The following NOL10 variants were observed in gnomAD, a reference collection of about 807,000 sequenced individuals.
The protein encoded by NOL10 is nucleolar protein 10.
In NOL10, 58 loss-of-function variants were observed where a neutral mutation model predicts 103.5. The ratio of observed to expected loss-of-function variants is 0.56; its 90% CI spans 0.45 to 0.70. The LOEUF (loss-of-function observed/expected upper bound fraction) is 0.70, where lower values mean the gene tolerates loss of function less well. Ranked by LOEUF, NOL10 falls within the 30% of genes least tolerant of loss-of-function variation. NOL10 has a pLI of 0.00. For missense variants in NOL10, 763 were observed against 807.3 expected (o/e 0.95, Z 0.67); for synonymous variants, 287 against 282.5 (o/e 1.02, Z -0.16).
intron 13 of NOL10, among the ~76,000 whole-genome samples, chr2:10,615,530 C>A (rs1676786473): frequency 6.6e-6 from 1 of 152,182 alleles, no homozygotes; most frequent in African/African-American, 2.4e-5. Flanking sequence ...TTAAGAAACA[C>A]AGAGAGCTTT....
At chr2:10,591,724 G>C (rs537300413) in intron 17 of NOL10, among the ~76,000 whole-genome samples, 2 of 152,036 alleles carry the variant, frequency 1.3e-5, no homozygotes, top group Non-Finnish European at 2.9e-5. Flanking sequence ...TGACAGAACT[G>C]GCCAGGTGGT....
intron 13 of NOL10, among the ~76,000 whole-genome samples, chr2:10,621,085 T>A (rs558867960): frequency 1.7e-4 from 26 of 152,282 alleles, no homozygotes; most frequent in African/African-American, 5.3e-4. Flanking sequence ...TGCGTCACTG[T>A]GCCTGGCCGC....
intron 17 of NOL10, among the ~76,000 whole-genome samples, chr2:10,594,158 G>A (rs922607615): frequency 4.6e-5 from 7 of 151,764 alleles, no homozygotes; most frequent in Admixed American, 6.6e-5. Context: ...CAGTACAGTC[G>A]CTTCGTGTCA....
chr2:10,583,359 A>T (rs1289923021), intron 19 of NOL10, among the ~76,000 whole-genome samples: 1 of 152,136 alleles, frequency 6.6e-6, no homozygotes. Flanking sequence ...CTTAGCCCTA[A>T]TCTTACTTTA....
intron 3 of NOL10, among the ~76,000 whole-genome samples, chr2:10,680,778 A>G (rs1003241162): frequency 6.6e-6 from 1 of 152,232 alleles, no homozygotes; most frequent in African/African-American, 2.4e-5. Flanking sequence ...TACTGTTATC[A>G]GCAAAAAATG....
intron 9 of NOL10, 72 bp downstream of exon 9, chr2:10,662,887 G>A (rs1299926138): frequency 8.9e-7 from 1 of 1,121,166 alleles, no homozygotes; most frequent in East Asian, 2.6e-5. Flanking sequence ...CAATTTATTT[G>A]AATTTAATAT....
chr2:10,587,709 A>G (rs1488977069), intron 19 of NOL10, among the ~76,000 whole-genome samples: 2 of 152,110 alleles, frequency 1.3e-5, no homozygotes, highest in Non-Finnish European at 2.9e-5. Flanking sequence ...GTGCTTCTGA[A>G]TTCTAAATTC....
At chr2:10,688,373 C>A (rs1682362862) in intron 1 of NOL10, among the ~76,000 whole-genome samples, 1 of 152,198 alleles carries the variant, frequency 6.6e-6, no homozygotes, top group African/African-American at 2.4e-5. Flanking sequence ...ACCCTGCTCT[C>A]GCCCCCTCAC....
chr2:10,679,833 C>T (rs1681603835), intron 3 of NOL10, among the ~76,000 whole-genome samples: 1 of 152,126 alleles, frequency 6.6e-6, no homozygotes. Flanking sequence ...GTTGGGCAGG[C>T]TGGTCTCGAA....
At chr2:10,656,545 G>T (rs1188697104) in intron 11 of NOL10, among the ~76,000 whole-genome samples, 1 of 152,208 alleles carries the variant, frequency 6.6e-6, no homozygotes, top group Non-Finnish European at 1.5e-5. Flanking sequence ...AAGAAGCCAA[G>T]TAAGACCCAT....
intron 13 of NOL10, among the ~76,000 whole-genome samples, chr2:10,640,850 GAA>G (rs1678649007): frequency 6.6e-6 from 1 of 152,180 alleles, no homozygotes; most frequent in Non-Finnish European, 1.5e-5. Flanking sequence ...CAGTACCTTA[GAA>G]TTAATATTTC....
chr2:10,681,357 G>A (rs1254214727), intron 3 of NOL10, among the ~76,000 whole-genome samples: 2 of 151,708 alleles, frequency 1.3e-5, no homozygotes, highest in Non-Finnish European at 2.9e-5. Context: ...CATGAAATAA[G>A]TCTCACAGAG....
chr2:10,675,665 G>T, intron 4 of NOL10, 129 bp downstream of exon 4: 1 of 566,506 alleles, frequency 1.8e-6, no homozygotes, highest in Non-Finnish European at 3.2e-6. Flanking sequence ...TTAAGCCATC[G>T]GGATTGTAGT....
intron 5 of NOL10, among the ~76,000 whole-genome samples, chr2:10,672,259 G>A (rs188893299): frequency 2.5e-3 from 381 of 152,208 alleles, no homozygotes; most frequent in African/African-American, 8.8e-3. Flanking sequence ...CCCAGGAGCC[G>A]GAGGATGCAG....
Position 10,602,802 on chromosome 2 carries a change from T to C in NOL10, c.1306A>G (p.Thr436Ala). The C allele has an allele frequency of 6.2e-7, 1 of 1,605,806 alleles. No individual in the cohort carries two copies. The highest frequency in any genetic ancestry group is 8.5e-7 in the Non-Finnish European group (1 of 1,173,506). ...TTTAACTGGACTCTCTGTGCACGTGTTTCTTCTATTTTCTGTCGTATTTTA... is the reference window on the plus strand; with the variant it reads ...TTTAACTGGACTCTCTGTGCACGTGCTTCTTCTATTTTCTGTCGTATTTTA... The part of the protein sequence containing the change: ...KDKIRQKIEE[T>A]RAQRVQLKKL... The change falls in exon 16 of 21, where the codon ACA becomes GCA. Residue 436 changes from threonine to alanine, a missense_variant. By Grantham distance (58) the Thr-to-Ala change is moderately conservative. Coordinates refer to ENST00000381685, the MANE Select transcript of NOL10 (RefSeq NM_024894.4).
At chr2:10,682,680 G>C (rs1376452024) in intron 2 of NOL10, among the ~76,000 whole-genome samples, 1 of 152,018 alleles carries the variant, frequency 6.6e-6, no homozygotes, top group African/African-American at 2.4e-5. Context: ...GATTGCAGGA[G>C]TGAGCCACCG....
At chr2:10,585,920 A>G (rs6717431) in intron 19 of NOL10, among the ~76,000 whole-genome samples, 52,306 of 152,142 alleles carry the variant, frequency 0.34, 9,421 homozygotes, top group Non-Finnish European at 0.4. Flanking sequence ...ATTTATGGAT[A>G]AGGAACCCTT....
chr2:10,587,518 C>T (rs565473724), intron 19 of NOL10, among the ~76,000 whole-genome samples: 24 of 151,330 alleles, frequency 1.6e-4, no homozygotes, highest in Admixed American at 5.9e-4. Flanking sequence ...ATCTGCCCCC[C>T]CCTTGGCCTC....
In NOL10 at chr2:10,571,758, T is replaced by A. The variant is rs1674189549; in HGVS notation, c.*313A>T. On this transcript the variant is annotated 3_prime_UTR_variant, in exon 21 of 21. Transcript: ENST00000381685. ...TTTCTGGCACAGGATAAACCTTTCA[T>A]TTCATGGTGTACATTTCACAATATT... is the stretch of plus-strand genomic sequence containing the variant. The A allele has an allele frequency of 4.8e-6, 1 of 210,324 alleles. No individual in the cohort carries two copies. Among genetic ancestry groups the A allele is most frequent in the Admixed American group, 5.5e-5 (1 of 18,048 alleles). 13.0% of individuals were successfully genotyped at this position (210,324 alleles called of 1,614,324 possible). A position where few individuals can be genotyped will look rare whatever the true frequency, so the allele number is the denominator to read the frequency against.
Sources: gnomAD v4.1 joint callset for allele counts (sites outside exome capture counted in the v4.1 genomes callset) on GRCh38, gnomAD v4.1.1 for gene constraint, MANE v1.5 for transcripts, NCBI Gene and HGNC (gene_info 2026-07-23, HGNC 2026-07-21) for gene names.